The following RUFY3 variants were observed in gnomAD, a reference collection of about 807,000 sequenced individuals.
The protein encoded by RUFY3 is protein RUFY3.
In RUFY3, 34 loss-of-function variants were observed where a neutral mutation model predicts 84.0. The ratio of observed to expected loss-of-function variants is 0.40; its 90% CI spans 0.31 to 0.54. The LOEUF (loss-of-function observed/expected upper bound fraction) is 0.54. Among genes scored for constraint, RUFY3 ranks in the 20% least tolerant of loss-of-function variants. The pLI, the probability that RUFY3 is intolerant of heterozygous loss-of-function variation, is 0.39. For synonymous variants in RUFY3, 242 were observed against 252.9 expected, an observed-to-expected ratio of 0.96 and a Z score of 0.41; for missense variants, 507 against 736.8, an observed-to-expected ratio of 0.69 and a Z score of 3.61.
intron 14 of RUFY3, among the ~76,000 whole-genome samples, chr4:70,798,651 G>A (rs886547281): frequency 3.9e-5 from 6 of 152,168 alleles, no homozygotes; most frequent in South Asian, 2.1e-4. Context: ...GCCTTGCTGC[G>A]TGCACCTATA....
intron 1 of RUFY3, among the ~76,000 whole-genome samples, chr4:70,749,173 C>T (rs907174754): frequency 1.3e-5 from 2 of 151,964 alleles, no homozygotes; most frequent in Non-Finnish European, 2.9e-5. Flanking sequence ...TTGTATTTAC[C>T]ACCTAAATTT....
At chr4:70,716,324 T>C (rs1741609047) in intron 1 of RUFY3, among the ~76,000 whole-genome samples, 1 of 151,854 alleles carries the variant, frequency 6.6e-6, no homozygotes, top group Non-Finnish European at 1.5e-5. Context: ...TTTTGTATTT[T>C]TACTAGAGAC....
chr4:70,797,970 A>C (rs563180003), intron 14 of RUFY3, among the ~76,000 whole-genome samples: 1 of 152,154 alleles, frequency 6.6e-6, no homozygotes, highest in Non-Finnish European at 1.5e-5. Context: ...ACCTCACCCT[A>C]TTTTTCCAAT....
intron 5 of RUFY3, among the ~76,000 whole-genome samples, chr4:70,772,275 A>G (rs930378584): frequency 6.6e-6 from 1 of 152,102 alleles, no homozygotes; most frequent in Non-Finnish European, 1.5e-5. Context: ...AACACTCACA[A>G]TGCTCAAGCC....
chr4:70,753,140 G>C (rs894982525), intron 1 of RUFY3, among the ~76,000 whole-genome samples: 22 of 152,112 alleles, frequency 1.4e-4, no homozygotes, highest in African/African-American at 5.3e-4. Flanking sequence ...TTGTGTCTAA[G>C]AAATTGTCCA....
At chr4:70,792,618 A>G (rs1730996377) in intron 12 of RUFY3, 7 of 985,190 alleles carry the variant, frequency 7.1e-6, no homozygotes, top group Non-Finnish European at 6.0e-6. Flanking sequence ...TCATTCTGGT[A>G]TGCTTTGCAG....
chr4:70,750,584 G>A (rs977449306), intron 1 of RUFY3, among the ~76,000 whole-genome samples: 1 of 152,126 alleles, frequency 6.6e-6, no homozygotes, highest in African/African-American at 2.4e-5. Flanking sequence ...GTACAATTCA[G>A]TGGTGGTTAG....
intron 1 of RUFY3, among the ~76,000 whole-genome samples, chr4:70,712,099 C>A (rs575475448): frequency 6.6e-6 from 1 of 152,020 alleles, no homozygotes; most frequent in African/African-American, 2.4e-5. Context: ...TTTTTTCTTC[C>A]CATCTTAGTT....
intron 12 of RUFY3, chr4:70,791,095 C>T: frequency 1.5e-6 from 1 of 685,996 alleles, no homozygotes. Context: ...GAATTTAAAG[C>T]AAACAGAAAG....
chr4:70,753,887 A>G (rs939673951), intron 1 of RUFY3, among the ~76,000 whole-genome samples: 1 of 152,114 alleles, frequency 6.6e-6, no homozygotes, highest in East Asian at 1.9e-4. Flanking sequence ...TGAAGCTTCA[A>G]AGGGGTGAGA....
At chr4:70,804,790 G>C (rs1468860650) in intron 17 of RUFY3, among the ~76,000 whole-genome samples, 1 of 151,052 alleles carries the variant, frequency 6.6e-6, no homozygotes, top group African/African-American at 2.4e-5. Flanking sequence ...AAATAGCCGG[G>C]CGTGGTGGCC....
rs1351281030 is a variant in RUFY3, at chr4:70,808,165, GT to G, written c.*1510del. On this transcript the variant is annotated 3_prime_UTR_variant, in exon 18 of 18. Transcript: ENST00000381006. ...AGTGCTTGGTGTTCAGTAAATTCAA[GT>G]TTTGCTTTTTTGGAACTTTGTGGAA... is the stretch of plus-strand genomic sequence containing the variant. 2.0e-5 allele frequency among the ~76,000 whole-genome samples: 3 copies of G among 152,118 alleles called. No individual in the cohort carries two copies. The highest frequency in any genetic ancestry group is 4.4e-5 in the Non-Finnish European group (3 of 68,016).
At chr4:70,770,938 G>A (rs1560525781) in intron 5 of RUFY3, among the ~76,000 whole-genome samples, 1 of 152,092 alleles carries the variant, frequency 6.6e-6, no homozygotes, top group Non-Finnish European at 1.5e-5. Context: ...CAGTATTGTT[G>A]TGTCTTAGGG....
intron 4 of RUFY3, among the ~76,000 whole-genome samples, chr4:70,767,364 C>A (rs1392723530): frequency 2.7e-5 from 4 of 149,316 alleles, no homozygotes; most frequent in Non-Finnish European, 4.4e-5. Flanking sequence ...CCCGCCTTGA[C>A]CTCCCAAAGT....
At chr4:70,787,189 T>A (rs11937967) in intron 10 of RUFY3, among the ~76,000 whole-genome samples, 5,763 of 63,046 alleles carry the variant, frequency 0.091, 193 homozygotes, top group Non-Finnish European at 0.097. Flanking sequence ...AAAAAAAAAA[T>A]ATATATATAT....
In RUFY3 at chr4:70,775,243, GAATA is replaced by G. The variant is rs990147711; in HGVS notation, c.824+15_824+18del. 1.1e-5 allele frequency: 16 copies of G among 1,516,730 alleles called. No homozygotes were observed. In the Admixed American group the frequency reaches 1.2e-4, roughly 12 times the overall value. 94.0% of individuals were successfully genotyped at this position (1,516,730 alleles called of 1,614,324 possible). A position where few individuals can be genotyped will look rare whatever the true frequency, so the allele number is the denominator to read the frequency against. On this transcript the variant is annotated intron_variant, in intron 7 of 17. Coordinates refer to ENST00000381006, the MANE Select transcript of RUFY3 (RefSeq NM_001037442.4). ...TGAACAGACATTTGAAGTAAATAAT[GAATA>G]AATATATTACTTTACTGGGGAATTG...
At chr4:70,720,057 G>A (rs1424313514), upstream of RUFY3, among the ~76,000 whole-genome samples, 3 of 152,018 alleles carry the variant, frequency 2.0e-5, no homozygotes, top group East Asian at 5.8e-4. Flanking sequence ...TTCTTACATT[G>A]TACCAGTATA....
rs2148586254 is a variant in RUFY3, at chr4:70,722,526, T to A, written c.-48T>A. 1.3e-6 allele frequency: 2 copies of A among 1,565,130 alleles called. No homozygotes were observed. The highest frequency in any genetic ancestry group is 1.2e-5 in the South Asian group (1 of 84,300). On this transcript the variant is annotated 5_prime_UTR_variant, in exon 1 of 18. Transcript: ENST00000381006. ...TATTTATTTTTTTGGTGTGTGTGTG[T>A]GAGTGTGTGTGTGTCTGTGTGTGTG...
At chr4:70,792,262 G>T (rs1730947631) in intron 12 of RUFY3, 1 of 984,720 alleles carries the variant, frequency 1.0e-6, no homozygotes, top group African/African-American at 1.7e-5. Flanking sequence ...TTACTTAAGA[G>T]TTTCTGTTAC....
Sources: allele counts gnomAD v4.1 joint callset (sites outside exome capture counted in the v4.1 genomes callset), GRCh38; gene constraint gnomAD v4.1.1; transcripts MANE v1.5; gene names NCBI Gene and HGNC (gene_info 2026-07-23, HGNC 2026-07-21).